Variants in ARHGEF10L observed in about 807,000 individuals in gnomAD.
The protein encoded by ARHGEF10L is rho guanine nucleotide exchange factor 10-like protein.
Under a neutral mutation model 141.2 loss-of-function variants are expected in ARHGEF10L, and 69 were observed. The ratio of observed to expected loss-of-function variants is 0.49; its 90% CI spans 0.40 to 0.60. The LOEUF (loss-of-function observed/expected upper bound fraction) is 0.60. Ranked by LOEUF, ARHGEF10L falls within the 20% of genes least tolerant of loss-of-function variation. The pLI is 0.00. For missense variants in ARHGEF10L, 1,482 were observed against 1,734.3 expected (o/e 0.85, Z 2.58); for synonymous variants, 711 against 718.5 (o/e 0.99, Z 0.17).
rs1322603653 is a variant in ARHGEF10L at position 17,593,861 on chromosome 1, G to A, written c.257+5382G>A. Among the ~76,000 whole-genome samples, 9 of 151,740 alleles carry A rather than the reference G, an allele frequency of 5.9e-5. No individual in the cohort carries two copies. In the East Asian group the frequency reaches 1.5e-3, roughly 26 times the overall value. On this transcript the variant is annotated intron_variant, in intron 4 of 28. Transcript: ENST00000361221. The stretch of plus-strand genomic sequence containing the variant: ...GCACCATTTTGCAGACCAGACCTGG[G>A]AGAGAGCGTCACTTGTCTGTGGGGC...
intron 6 of ARHGEF10L, among the ~76,000 whole-genome samples, chr1:17,604,277 AC>A (rs2100980725): frequency 6.6e-6 from 1 of 152,114 alleles, no homozygotes; most frequent in Non-Finnish European, 1.5e-5. Flanking sequence ...TCTGTCCCCT[AC>A]CCCAGGAGGA....
intron 4 of ARHGEF10L, among the ~76,000 whole-genome samples, chr1:17,593,624 T>C (rs1557770083): frequency 6.6e-6 from 1 of 152,088 alleles, no homozygotes; most frequent in Non-Finnish European, 1.5e-5. Flanking sequence ...GGATGGCTTC[T>C]CCCCTGGAGC....
chr1:17,522,689 G>A, the ARHGEF10L span, among the ~76,000 whole-genome samples: 2 of 152,110 alleles, frequency 1.3e-5, no homozygotes, highest in Non-Finnish European at 1.5e-5. Flanking sequence ...GCAAAGGCTT[G>A]CTCTGAGTGT....
At chr1:17,540,279 G>T (rs1166350188) in intron 1 of ARHGEF10L, among the ~76,000 whole-genome samples, 1 of 141,456 alleles carries the variant, frequency 7.1e-6, no homozygotes, top group Non-Finnish European at 1.5e-5. Flanking sequence ...CCCCCACCCT[G>T]TGCCTCACTT....
At chr1:17,580,456 TG>T in intron 1 of ARHGEF10L, 96 bp from the exon 2 acceptor site, 1 of 1,072,562 alleles carries the variant, frequency 9.3e-7, no homozygotes, top group Non-Finnish European at 1.4e-6. Context: ...TGAGAGCCAC[TG>T]GGCTGAAGCA....
chr1:17,517,385 G>A, the ARHGEF10L span, among the ~76,000 whole-genome samples: 6 of 151,548 alleles, frequency 4.0e-5, no homozygotes, highest in African/African-American at 9.7e-5. Context: ...GCTGGAGTGC[G>A]CAGTGGTGCA....
rs1468575653 is a variant in ARHGEF10L at position 17,622,978 on chromosome 1, C to A, written c.1021-18C>A. Reference sequence around the variant, plus strand: ...GGCTGCGGCCTGGCCTGCGGCCTCACCCCGCCCTCCCCGGCAGGACTACCG... The same window carrying A: ...GGCTGCGGCCTGGCCTGCGGCCTCAACCCGCCCTCCCCGGCAGGACTACCG... On this transcript the variant is annotated intron_variant, in intron 11 of 28. Coordinates refer to ENST00000361221, the MANE Select transcript of ARHGEF10L (RefSeq NM_018125.4). The A allele has an allele frequency of 3.7e-6, 6 of 1,605,360 alleles. No homozygotes were observed. Among genetic ancestry groups the A allele is most frequent in the East Asian group, 2.2e-5 (1 of 44,820 alleles).
chr1:17,636,037 C>T (rs2060978939), intron 18 of ARHGEF10L, among the ~76,000 whole-genome samples: 1 of 152,208 alleles, frequency 6.6e-6, no homozygotes, highest in African/African-American at 2.4e-5. Context: ...TCTCTTTCCT[C>T]AGCTCTGCTG....
intron 26 of ARHGEF10L, among the ~76,000 whole-genome samples, chr1:17,676,918 A>G (rs1343034044): frequency 6.6e-6 from 1 of 151,564 alleles, no homozygotes; most frequent in East Asian, 1.9e-4. Flanking sequence ...ATGGAGCCCA[A>G]CTGCCTCCAC....
At chr1:17,582,861 C>G (rs1022533607) in intron 2 of ARHGEF10L, among the ~76,000 whole-genome samples, 1 of 152,112 alleles carries the variant, frequency 6.6e-6, no homozygotes, top group Non-Finnish European at 1.5e-5. Context: ...TTCCTTCCCC[C>G]TCCCTGCCCA....
At chr1:17,614,680 TC>T (rs1003798161) in intron 8 of ARHGEF10L, among the ~76,000 whole-genome samples, 5 of 151,748 alleles carry the variant, frequency 3.3e-5, no homozygotes, top group African/African-American at 1.2e-4. Context: ...CTATGATTAC[TC>T]CCCTTGCCCA....
chr1:17,613,169 T>C lies in ARHGEF10L; in HGVS notation c.721T>C (p.Cys241Arg). 1 of 1,611,962 alleles carries C rather than the reference T, an allele frequency of 6.2e-7. No homozygotes were observed. The highest frequency in any genetic ancestry group is 8.5e-7 in the Non-Finnish European group (1 of 1,178,274). Residue 241 changes from cysteine (C) to arginine (R), a missense_variant, in exon 8 of 29, where the codon TGT becomes CGT. Cys to Arg is a radical substitution (Grantham distance 180, BLOSUM62 -3). This residue lies in a region of ARHGEF10L where 392 missense variants were observed against 542.1 expected (regional missense o/e 0.72). Coordinates refer to ENST00000361221, the MANE Select transcript of ARHGEF10L (RefSeq NM_018125.4). ...DMQELKHKYD[C>R]KMTQLMKAAK... ...GCAGGAGCTGAAGCACAAGTACGATTGTAAGGTATTGTCTGTCTGTCCCCT... is the reference window on the plus strand; with the variant it reads ...GCAGGAGCTGAAGCACAAGTACGATCGTAAGGTATTGTCTGTCTGTCCCCT...
chr1:17,669,818 G>A (rs150199284), intron 26 of ARHGEF10L, among the ~76,000 whole-genome samples: 1 of 152,232 alleles, frequency 6.6e-6, no homozygotes, highest in East Asian at 1.9e-4. Context: ...AATGAGCAAG[G>A]TGGGCTCAGC....
chr1:17,574,990 C>T (rs1295218338), intron 1 of ARHGEF10L, among the ~76,000 whole-genome samples: 1 of 152,250 alleles, frequency 6.6e-6, no homozygotes, highest in Non-Finnish European at 1.5e-5. Context: ...ACACAAGCAG[C>T]TCCCCAGGTC....
chr1:17,684,608 T>A lies in ARHGEF10L; in HGVS notation c.3010-2965T>A, dbSNP rs144684418. Among the ~76,000 whole-genome samples, 436 of 152,218 alleles carry A rather than the reference T, an allele frequency of 2.9e-3. 14 individuals carry two copies. In the East Asian group the frequency reaches 0.071, roughly 25 times the overall value. On this transcript the variant is annotated intron_variant, in intron 26 of 28. Transcript: ENST00000361221. ...AATCTGAGACAGGAGACAGTTCGCT[T>A]CCTCTGAGCATGCCCAGCTTGATAC...
Position 17,625,886 on chromosome 1 carries a change from T to G in ARHGEF10L, c.1318-70T>G. 1.5e-6 allele frequency: 2 copies of G among 1,358,922 alleles called. No homozygotes were observed. Among genetic ancestry groups the G allele is most frequent in the Non-Finnish European group, 1.0e-6 (1 of 954,954 alleles). 84.2% of individuals were successfully genotyped at this position (1,358,922 alleles called of 1,614,324 possible). On this transcript the variant is annotated intron_variant, in intron 13 of 28. Transcript: ENST00000361221. This position sits in a 1 kb window ranked among gnomAD's most constrained non-coding sequence, Gnocchi z 4.5. ...GGAGAGGAGCCCAGAATGGGGACAG[T>G]GTCTGGACTCTGGGGCACTGGGCCC...
At chr1:17,612,830 C>T (rs373964652) in intron 7 of ARHGEF10L, among the ~76,000 whole-genome samples, 1 of 152,220 alleles carries the variant, frequency 6.6e-6, no homozygotes, top group Non-Finnish European at 1.5e-5. Context: ...AGAGACCCGG[C>T]CCCCAGCTGC....
upstream of ARHGEF10L, among the ~76,000 whole-genome samples, chr1:17,539,269 T>G (rs938793204): frequency 1.3e-5 from 2 of 152,080 alleles, no homozygotes; most frequent in African/African-American, 4.8e-5. The surrounding 1 kb of genome is among the most constrained non-coding windows in gnomAD (Gnocchi z 6.0). Flanking sequence ...GGGCAGGTCA[T>G]AAGTCTAGGG....
chr1:17,515,445 C>T, the ARHGEF10L span, among the ~76,000 whole-genome samples: 2 of 151,866 alleles, frequency 1.3e-5, no homozygotes, highest in African/African-American at 2.4e-5. Context: ...AGGCGTGGGC[C>T]ACCATGCCTG....
Sources: allele counts gnomAD v4.1 joint callset (sites outside exome capture counted in the v4.1 genomes callset), GRCh38; gene constraint gnomAD v4.1.1; regional missense constraint gnomAD v4.1.1; non-coding constraint Gnocchi (gnomAD v3.1); transcripts MANE v1.5; gene names NCBI Gene and HGNC (gene_info 2026-07-23, HGNC 2026-07-21).